The following GALNT7 variants were observed in gnomAD, a reference collection of about 807,000 sequenced individuals.
GALNT7 encodes the protein polypeptide N-acetylgalactosaminyltransferase 7, also known as N-acetylgalactosaminyltransferase 7.
In GALNT7, 60 loss-of-function variants were observed where a neutral mutation model predicts 82.1. The ratio of observed to expected loss-of-function variants is 0.73; its 90% CI spans 0.59 to 0.91. The LOEUF (loss-of-function observed/expected upper bound fraction) is 0.91. Among genes scored for constraint, GALNT7 ranks in the 40% least tolerant of loss-of-function variants. The pLI is 0.00. For synonymous variants in GALNT7, 243 were observed against 275.1 expected (o/e 0.88, Z 1.15); for missense variants, 660 against 804.2 (o/e 0.82, Z 2.17).
At chr4:173,291,482 G>A (rs1736529616) in intron 2 of GALNT7, among the ~76,000 whole-genome samples, 1 of 152,074 alleles carries the variant, frequency 6.6e-6, no homozygotes, top group South Asian at 2.1e-4. Flanking sequence ...TTCTATTTAG[G>A]AAGAGGCTTC....
rs1001994830 is a variant in GALNT7, at chr4:173,261,565, C to T, written c.587+13125C>T. The stretch of plus-strand genomic sequence containing the variant: ...GGCATGGCAGCTCACGCCTGTAATC[C>T]CAGCACTTTGGGAGGCCAAGGCGGG... On this transcript the variant is annotated intron_variant, in intron 2 of 11. Transcript: ENST00000265000. Among the ~76,000 whole-genome samples the T allele has an allele frequency of 5.3e-5, 8 of 152,140 alleles. No individual in the cohort carries two copies. In the South Asian group the frequency reaches 1.7e-3, roughly 31 times the overall value.
At chr4:173,235,696 C>T (rs1229887424) in intron 1 of GALNT7, among the ~76,000 whole-genome samples, 3 of 152,094 alleles carry the variant, frequency 2.0e-5, no homozygotes, top group Non-Finnish European at 4.4e-5. Context: ...GCTGGGACTA[C>T]AGGCACCCAC....
intron 1 of GALNT7, among the ~76,000 whole-genome samples, chr4:173,240,196 T>G (rs1030454719): frequency 6.6e-6 from 1 of 152,170 alleles, no homozygotes; most frequent in Non-Finnish European, 1.5e-5. Flanking sequence ...TAATATTTCT[T>G]GTCAGTTGAA....
At chr4:173,242,834 GCTTT>G (rs776067367) in intron 1 of GALNT7, among the ~76,000 whole-genome samples, 11 of 152,180 alleles carry the variant, frequency 7.2e-5, no homozygotes, top group Non-Finnish European at 1.5e-4. Context: ...CTCCCTCTCT[GCTTT>G]CTGTGTCCAT....
intron 2 of GALNT7, among the ~76,000 whole-genome samples, chr4:173,250,144 C>G (rs1463087173): frequency 6.6e-6 from 1 of 152,106 alleles, no homozygotes; most frequent in Non-Finnish European, 1.5e-5. Context: ...AATGGCAAAA[C>G]TGTGAGTCGC....
chr4:173,190,908 G>T lies in GALNT7; in HGVS notation c.126+21947G>T, dbSNP rs562765452. Among the ~76,000 whole-genome samples the T allele has an allele frequency of 7.4e-4, 112 of 152,214 alleles. 1 individual carries two copies. The highest frequency in any genetic ancestry group is 1.4e-3 in the Non-Finnish European group (92 of 68,016). On this transcript the variant is annotated intron_variant, in intron 1 of 11. Transcript: ENST00000265000. Reference sequence around the variant, plus strand: ...GGAGGCGTGGAATTGGCAAAGATTTGTTACCAAAAATCACTATCAGACCCC... The same window carrying T: ...GGAGGCGTGGAATTGGCAAAGATTTTTTACCAAAAATCACTATCAGACCCC...
In GALNT7 at chr4:173,321,785, A is replaced by C; in HGVS notation, c.*68A>C. The C allele has an allele frequency of 9.4e-7, 1 of 1,058,744 alleles. No individual in the cohort carries two copies. 65.6% of individuals were successfully genotyped at this position (1,058,744 alleles called of 1,614,324 possible). ...TTTATACAGGACTGAAAACCGCCTG[A>C]AACCTGCTGCAACTATTGTTATTAA... On this transcript the variant is annotated 3_prime_UTR_variant, in exon 12 of 12. Transcript: ENST00000265000.
chr4:173,212,759 A>C (rs1321033983), intron 1 of GALNT7, among the ~76,000 whole-genome samples: 1 of 152,160 alleles, frequency 6.6e-6, no homozygotes, highest in African/African-American at 2.4e-5. Context: ...TATCAATACA[A>C]CAGAACAAAG....
chr4:173,263,552 A>T (rs17324192), intron 2 of GALNT7, among the ~76,000 whole-genome samples: 4,319 of 152,294 alleles, frequency 0.028, 88 homozygotes, highest in Non-Finnish European at 0.048. Context: ...GGATTGATGG[A>T]TAAAATAATA....
rs71596614 is a variant in GALNT7 at position 173,266,868 on chromosome 4, GGTGTGTGTGTGTGTGTGTGT to G, written c.587+18468_587+18487del. On this transcript the variant is annotated intron_variant, in intron 2 of 11. Coordinates refer to ENST00000265000, the MANE Select transcript of GALNT7 (RefSeq NM_017423.3). ...ATGACGGCTACCTGAGGCTGGGAAG[GGTGTGTGTGTGTGTGTGTGT>G]GTGTGTGTGTGTGTGTGTGTGTGTG... 9.9e-3 allele frequency among the ~76,000 whole-genome samples: 942 copies of G among 95,126 alleles called. 16 individuals are homozygous for G. The highest frequency in any genetic ancestry group is 0.034 in the African/African-American group (802 of 23,254). 62.4% of individuals were successfully genotyped at this position (95,126 alleles called of 152,430 possible).
intron 1 of GALNT7, among the ~76,000 whole-genome samples, chr4:173,230,755 C>A (rs1472974375): frequency 6.6e-6 from 1 of 152,048 alleles, no homozygotes; most frequent in Non-Finnish European, 1.5e-5. Flanking sequence ...CTCACTGATA[C>A]CTCTTACATT....
chr4:173,179,047 T>C (rs574727726), intron 1 of GALNT7, among the ~76,000 whole-genome samples: 1 of 152,370 alleles, frequency 6.6e-6, no homozygotes, highest in South Asian at 2.1e-4. Context: ...CTGGCTTAAG[T>C]GTAATTTTGG....
rs765028660 is a variant in GALNT7, at chr4:173,248,182, G to A, written c.329G>A (p.Arg110Lys). Residue 110 changes from arginine (R) to lysine (K), a missense_variant, in exon 2 of 12, where the codon AGG becomes AAG. Physicochemically the swap from Arg to Lys is conservative, Grantham distance 26. Coordinates refer to ENST00000265000, the MANE Select transcript of GALNT7 (RefSeq NM_017423.3). ...GATTCCCAGAAAGATATCATGCAGAGGCAGTATCTCACATTTAAGCCTCAG... is the reference window on the plus strand; with the variant it reads ...GATTCCCAGAAAGATATCATGCAGAAGCAGTATCTCACATTTAAGCCTCAG... ...GGDSQKDIMQ[R>K]QYLTFKPQTF... is the part of the protein sequence containing the mutation. The A allele has an allele frequency of 6.2e-7, 1 of 1,613,816 alleles. No homozygotes were observed. Among genetic ancestry groups the A allele is most frequent in the East Asian group, 2.2e-5 (1 of 44,878 alleles).
Position 173,302,694 on chromosome 4 carries a change from C to A in GALNT7, c.1266+530C>A, listed in dbSNP as rs1012220650. ...CCCCCACCTCAACCCCTATTCCTAC[C>A]CCCATTTTCCAAAAGAAAGAGAGAG... On this transcript the variant is annotated intron_variant, in intron 7 of 11. Coordinates refer to ENST00000265000, the MANE Select transcript of GALNT7 (RefSeq NM_017423.3). This position sits in a 1 kb window ranked among gnomAD's most constrained non-coding sequence, Gnocchi z 4.2. Among the ~76,000 whole-genome samples the A allele has an allele frequency of 6.6e-6, 1 of 152,134 alleles. No homozygotes were observed. The highest frequency in any genetic ancestry group is 1.5e-5 in the Non-Finnish European group (1 of 68,016).
intron 10 of GALNT7, among the ~76,000 whole-genome samples, chr4:173,318,071 T>C (rs115464389): frequency 4.6e-5 from 7 of 152,328 alleles, no homozygotes; most frequent in Non-Finnish European, 8.8e-5. Context: ...CTAATCCTCA[T>C]CTTTTTGCAA....
At chr4:173,279,185 A>G (rs1736020303) in intron 2 of GALNT7, among the ~76,000 whole-genome samples, 1 of 152,218 alleles carries the variant, frequency 6.6e-6, no homozygotes, top group Non-Finnish European at 1.5e-5. Flanking sequence ...TGGCACTGAC[A>G]TATGCCTGGC....
intron 1 of GALNT7, among the ~76,000 whole-genome samples, chr4:173,199,388 C>T (rs530904222): frequency 8.5e-5 from 13 of 152,314 alleles, no homozygotes; most frequent in Admixed American, 7.8e-4. Flanking sequence ...TAGTGCCTCT[C>T]AGTGGATTGT....
intron 2 of GALNT7, among the ~76,000 whole-genome samples, chr4:173,250,525 G>A (rs1338519689): frequency 6.6e-6 from 1 of 151,998 alleles, no homozygotes; most frequent in Non-Finnish European, 1.5e-5. Context: ...TCTGAGGTCC[G>A]CTTCTTTCCT....
chr4:173,198,979 A>C (rs1449580537), intron 1 of GALNT7, among the ~76,000 whole-genome samples: 4 of 152,228 alleles, frequency 2.6e-5, no homozygotes, highest in African/African-American at 9.6e-5. Context: ...AAAATCTTGG[A>C]GGGTAGAACC....
Sources: allele counts gnomAD v4.1 joint callset (sites outside exome capture counted in the v4.1 genomes callset), GRCh38; gene constraint gnomAD v4.1.1; non-coding constraint Gnocchi (gnomAD v3.1); transcripts MANE v1.5; gene names NCBI Gene and HGNC (gene_info 2026-07-23, HGNC 2026-07-21).